Variants in NRIP1 observed in about 807,000 individuals in gnomAD.
NRIP1 encodes the protein nuclear receptor-interacting protein 1.
In NRIP1, 28 loss-of-function variants were observed where a neutral mutation model predicts 75.0. The observed-to-expected ratio is 0.37, with a 90% CI of 0.28 to 0.51. The LOEUF is 0.51. Ranked by LOEUF, NRIP1 falls within the 20% of genes least tolerant of loss-of-function variation. The pLI is 0.92. For missense variants in NRIP1, 1,435 were observed against 1,343.7 expected, an observed-to-expected ratio of 1.07 and a Z score of -1.06; for synonymous variants, 526 against 487.6, an observed-to-expected ratio of 1.08 and a Z score of -1.04.
Position 15,025,965 on chromosome 21 carries a change from G to A in NRIP1, c.-457-11499C>T, listed in dbSNP as rs548219344. Among the ~76,000 whole-genome samples the A allele has an allele frequency of 8.5e-5, 13 of 152,170 alleles. 1 individual carries two copies. Among genetic ancestry groups the A allele is most frequent in the African/African-American group, 2.2e-4 (9 of 41,518 alleles). On this transcript the variant is annotated intron_variant, in intron 2 of 3. Transcript: ENST00000318948. ...TCCTTTTGCTGAAAAGGACATTATC[G>A]GGACAACCTGGAAACTTGAATGAGC... is the stretch of plus-strand genomic sequence containing the variant.
At chr21:14,986,081 GATA>G (rs1406582149) in intron 3 of NRIP1, among the ~76,000 whole-genome samples, 1 of 152,102 alleles carries the variant, frequency 6.6e-6, no homozygotes, top group East Asian at 1.9e-4. Context: ...CATTGAAGCA[GATA>G]ATAATTATAT....
At chr21:14,986,618 T>C (rs2087411581) in intron 3 of NRIP1, among the ~76,000 whole-genome samples, 1 of 152,242 alleles carries the variant, frequency 6.6e-6, no homozygotes, top group Admixed American at 6.5e-5. Flanking sequence ...AGAAACCTAG[T>C]GTTCTAAAAT....
chr21:15,005,737 T>G (rs372370950), intron 3 of NRIP1, among the ~76,000 whole-genome samples: 1 of 152,150 alleles, frequency 6.6e-6, no homozygotes, highest in Non-Finnish European at 1.5e-5. Context: ...CCAAGCAGAA[T>G]AGAACAAACC....
intron 3 of NRIP1, among the ~76,000 whole-genome samples, chr21:14,985,170 A>C (rs573768101): frequency 2.0e-5 from 3 of 152,188 alleles, no homozygotes; most frequent in Non-Finnish European, 4.4e-5. Context: ...ACATCTTAGC[A>C]CCTAGCAGAG....
intron 3 of NRIP1, among the ~76,000 whole-genome samples, chr21:15,002,625 T>C (rs917592783): frequency 6.6e-6 from 1 of 152,180 alleles, no homozygotes; most frequent in Non-Finnish European, 1.5e-5. Context: ...AGGACTTAGA[T>C]TCAACAGTGC....
intron 1 of NRIP1, among the ~76,000 whole-genome samples, chr21:15,057,556 C>G (rs1276394464): frequency 6.6e-6 from 1 of 152,192 alleles, no homozygotes; most frequent in Non-Finnish European, 1.5e-5. Context: ...TCCCAGAGAG[C>G]CTGGTCTTGG....
At chr21:15,044,278 C>G (rs2089022630) in intron 1 of NRIP1, among the ~76,000 whole-genome samples, 1 of 150,952 alleles carries the variant, frequency 6.6e-6, no homozygotes, top group Admixed American at 6.6e-5. Flanking sequence ...CACCTCATTT[C>G]TTTTCTGTAC....
At chr21:15,024,781 T>A (rs903149355) in intron 2 of NRIP1, among the ~76,000 whole-genome samples, 9 of 152,172 alleles carry the variant, frequency 5.9e-5, no homozygotes, top group African/African-American at 2.2e-4. Flanking sequence ...TGTTATTGTA[T>A]GTGTTATTTT....
chr21:14,971,631 C>G (rs886638497), intron 3 of NRIP1: 3 of 152,132 alleles, frequency 2.0e-5, no homozygotes, highest in African/African-American at 7.2e-5. Context: ...TCTCCTCATG[C>G]TACTTCTTTT....
chr21:14,998,912 G>C (rs921907086), intron 3 of NRIP1, among the ~76,000 whole-genome samples: 3 of 152,166 alleles, frequency 2.0e-5, no homozygotes, highest in Non-Finnish European at 4.4e-5. Flanking sequence ...AAAGTTATAT[G>C]CAAATGTTTT....
intron 3 of NRIP1, among the ~76,000 whole-genome samples, chr21:14,990,769 T>C (rs2087548330): frequency 6.6e-6 from 1 of 152,204 alleles, no homozygotes; most frequent in African/African-American, 2.4e-5. Context: ...GAGGGCTAGA[T>C]GGCAAAATAT....
chr21:14,968,569 G>T, intron 3 of NRIP1, 43 bp from the exon 4 acceptor site: 1 of 178,856 alleles, frequency 5.6e-6, no homozygotes. Context: ...GGCAGAACTA[G>T]AATCACGTTA....
chr21:14,999,551 A>C (rs1055529807), intron 3 of NRIP1, among the ~76,000 whole-genome samples: 3 of 152,010 alleles, frequency 2.0e-5, no homozygotes, highest in African/African-American at 2.4e-5. Context: ...GGTTAAAAAA[A>C]AAATCACTTT....
chr21:15,005,945 G>GT (rs1172474111), intron 3 of NRIP1, among the ~76,000 whole-genome samples: 1 of 151,896 alleles, frequency 6.6e-6, no homozygotes, highest in East Asian at 1.9e-4. Flanking sequence ...AGCTCTATTT[G>GT]TATCTTTCAG....
At chr21:15,023,889 A>G (rs1035160025) in intron 2 of NRIP1, among the ~76,000 whole-genome samples, 39 of 152,356 alleles carry the variant, frequency 2.6e-4, no homozygotes, top group African/African-American at 9.4e-4. Context: ...CACAGAGAAA[A>G]TATTTGACAA....
chr21:15,058,133 G>A (rs558409936), intron 1 of NRIP1, among the ~76,000 whole-genome samples: 6 of 152,206 alleles, frequency 3.9e-5, no homozygotes, highest in Admixed American at 1.3e-4. Context: ...AGATGCTGCC[G>A]GGGGAGATAA....
At chr21:15,017,013 G>GGAAT in intron 2 of NRIP1, among the ~76,000 whole-genome samples, 1 of 146,098 alleles carries the variant, frequency 6.8e-6, no homozygotes, top group Non-Finnish European at 1.5e-5. Context: ...AAAGAATGAA[G>GGAAT]GAAGGAAGGA....
rs1048808020 is a variant in NRIP1, at chr21:15,030,805, G to C, written c.-458+12690C>G. Among the ~76,000 whole-genome samples, 129 of 148,738 alleles carry C rather than the reference G, an allele frequency of 8.7e-4. 2 individuals carry two copies. The highest frequency in any genetic ancestry group is 5.7e-3 in the Admixed American group (86 of 15,036). On this transcript the variant is annotated intron_variant, in intron 2 of 3. Transcript: ENST00000318948. The stretch of plus-strand genomic sequence containing the variant: ...GATGATTTAAGTTAAAATAGATCAC[G>C]ACATTCCCTTTCTATGTGTATACAC...
intron 3 of NRIP1, among the ~76,000 whole-genome samples, chr21:15,000,791 C>T (rs2087831881): frequency 6.6e-6 from 1 of 152,070 alleles, no homozygotes; most frequent in African/African-American, 2.4e-5. Flanking sequence ...AAATACAGTA[C>T]AAATAATTTT....
Sources: gnomAD v4.1 joint callset for allele counts (sites outside exome capture counted in the v4.1 genomes callset) on GRCh38, gnomAD v4.1.1 for gene constraint, MANE v1.5 for transcripts, NCBI Gene and HGNC (gene_info 2026-07-23, HGNC 2026-07-21) for gene names.